DENND3: variants seen among roughly 807,000 people sequenced by gnomAD.
The protein encoded by DENND3 is DENN domain containing 3.
Under a neutral mutation model 135.1 loss-of-function variants are expected in DENND3, and 88 were observed. The observed-to-expected ratio is 0.65, with a 90% confidence interval of 0.55 to 0.78. The LOEUF (loss-of-function observed/expected upper bound fraction) is 0.78, where lower values mean the gene tolerates loss of function less well. DENND3 is among the 30% of genes least tolerant of loss of function. The pLI is 0.00. For synonymous variants in DENND3, 693 were observed against 712.3 expected (o/e 0.97, Z 0.43); for missense variants, 1,392 against 1,688.4 (o/e 0.82, Z 3.08).
At position 141,154,265 on chromosome 8, in the gene DENND3, G is replaced by A. The variant is rs1032171623; in HGVS notation, c.1075-1584G>A. On this transcript the variant is annotated intron_variant, in intron 7 of 22. Coordinates refer to ENST00000519811, the MANE Select transcript of DENND3 (RefSeq NM_001352890.3). This position sits in a 1 kb window ranked among gnomAD's most constrained non-coding sequence, Gnocchi z 4.4. Reference sequence around the variant, plus strand: ...CGGGGCTGTTGAAGTGCAGGGCTCGGGTGCGTGACTCAGTATTTGTGTACT... The same window carrying A: ...CGGGGCTGTTGAAGTGCAGGGCTCGAGTGCGTGACTCAGTATTTGTGTACT... Among the ~76,000 whole-genome samples, 3 of 152,234 alleles carry A rather than the reference G, an allele frequency of 2.0e-5. No homozygotes were observed. Among genetic ancestry groups the A allele is most frequent in the African/African-American group, 4.8e-5 (2 of 41,466 alleles).
intron 3 of DENND3, among the ~76,000 whole-genome samples, chr8:141,140,363 C>T (rs1030373529): frequency 2.0e-5 from 3 of 152,182 alleles, no homozygotes; most frequent in Non-Finnish European, 2.9e-5. Flanking sequence ...GCCACGCGCG[C>T]GTGTGAGCAG....
At chr8:141,179,132 C>T (rs1245368376) in intron 16 of DENND3, among the ~76,000 whole-genome samples, 1 of 152,252 alleles carries the variant, frequency 6.6e-6, no homozygotes, top group Non-Finnish European at 1.5e-5. Flanking sequence ...TCACCAACTG[C>T]AGGACCTCTG....
chr8:141,176,051 A>G (rs1054957631), intron 14 of DENND3: 8 of 178,602 alleles, frequency 4.5e-5, no homozygotes, highest in Non-Finnish European at 8.3e-5. Context: ...GAGGCATGTC[A>G]GATACACAAA....
At chr8:141,177,751 T>C (rs1421228164) in intron 15 of DENND3, 2 of 255,160 alleles carry the variant, frequency 7.8e-6, no homozygotes, top group African/African-American at 2.2e-5. Context: ...GTTTATGAAA[T>C]GTCCCTCGGT....
At chr8:141,176,160 C>T (rs1456406037) in intron 14 of DENND3, 1 of 186,390 alleles carries the variant, frequency 5.4e-6, no homozygotes, top group African/African-American at 2.4e-5. Context: ...AGATCCCCCT[C>T]TTGCTGTTGG....
chr8:141,190,379 T>C lies in DENND3; in HGVS notation c.3341T>C (p.Leu1114Pro), dbSNP rs1824555639. 1.9e-6 allele frequency: 3 copies of C among 1,612,800 alleles called. No homozygotes were observed. The highest frequency in any genetic ancestry group is 2.5e-6 in the Non-Finnish European group (3 of 1,179,822). The change falls in exon 20 of 23, where the codon CTG becomes CCG. Residue 1114 changes from leucine to proline, a missense_variant. By Grantham distance (98) the Leu-to-Pro change is moderately conservative. Coordinates refer to ENST00000519811, the MANE Select transcript of DENND3 (RefSeq NM_001352890.3). ...CGCTTCCAGCTGCCGCGAGGTGGCC[T>C]GACGTCCATCAGACTGCACGGCGGC... ...TSRFQLPRGG[L>P]TSIRLHGGRL...
At chr8:141,190,895 G>A (rs1394213979) in intron 20 of DENND3, among the ~76,000 whole-genome samples, 1 of 152,248 alleles carries the variant, frequency 6.6e-6, no homozygotes, top group Non-Finnish European at 1.5e-5. Context: ...TTTGCCAGGG[G>A]GGCGATGGGA....
In DENND3 at chr8:141,182,916, A is replaced by G. The variant is rs1823349402; in HGVS notation, c.2944+2062A>G. ...GCAGTGTCTCACCCATGGGAGCAAC[A>G]GACCACTGGAATCGCACCCCAGAAA... is the stretch of plus-strand genomic sequence containing the variant. On this transcript the variant is annotated intron_variant, in intron 17 of 22. Transcript: ENST00000519811. The surrounding 1 kb of genome is among the most constrained non-coding windows in gnomAD (Gnocchi z 5.9). 6.6e-6 allele frequency among the ~76,000 whole-genome samples: 1 copy of G among 152,218 alleles called. No homozygotes were observed. Among genetic ancestry groups the G allele is most frequent in the Non-Finnish European group, 1.5e-5 (1 of 68,028 alleles).
At chr8:141,181,361 C>G (rs536146833) in intron 17 of DENND3, among the ~76,000 whole-genome samples, 1 of 152,340 alleles carries the variant, frequency 6.6e-6, no homozygotes, top group East Asian at 1.9e-4. Context: ...TTGCTCACAT[C>G]GTTTCCGCAG....
intron 14 of DENND3, chr8:141,176,277 A>C (rs576163212): frequency 3.8e-4 from 78 of 202,808 alleles, no homozygotes; most frequent in South Asian, 1.8e-3. Flanking sequence ...AAAAAAAAAC[A>C]AAAACAAAAC....
In DENND3 at chr8:141,151,797, T is replaced by C; in HGVS notation, c.1034T>C (p.Leu345Pro). Residue 345 changes from leucine to proline, a missense_variant, in exon 7 of 23, where the codon CTG becomes CCG. Transcript: ENST00000519811. ...TTCGTCATGGCCCCCACGTCCTTCC[T>C]GATGGGCTGCCATCTCGACCACTTC... Reference protein sequence around the residue: ...LDFVMAPTSFLMGCHLDHFEE... With the variant: ...LDFVMAPTSFPMGCHLDHFEE... 6.2e-7 allele frequency: 1 copy of C among 1,614,264 alleles called. No individual in the cohort carries two copies. The highest frequency in any genetic ancestry group is 8.5e-7 in the Non-Finnish European group (1 of 1,180,050).
At chr8:141,135,294 G>T (rs1205793527) in intron 1 of DENND3, among the ~76,000 whole-genome samples, 1 of 152,108 alleles carries the variant, frequency 6.6e-6, no homozygotes, top group South Asian at 2.1e-4. Flanking sequence ...TGGGACCACA[G>T]GCATGTGCCA....
chr8:141,189,224 G>T, intron 19 of DENND3, 78 bp downstream of exon 19: 1 of 1,595,240 alleles, frequency 6.3e-7, no homozygotes, highest in Non-Finnish European at 8.6e-7. Context: ...GGGTTCCCAA[G>T]TCTTGTGCCC....
intron 17 of DENND3, among the ~76,000 whole-genome samples, chr8:141,183,751 T>TA (rs1313746451): frequency 7.6e-6 from 1 of 131,692 alleles, no homozygotes; most frequent in Admixed American, 6.9e-5. Context: ...TTTTTTTTTT[T>TA]AATTTAAAAA....
At chr8:141,147,425 T>C (rs1818284530) in intron 5 of DENND3, among the ~76,000 whole-genome samples, 1 of 152,256 alleles carries the variant, frequency 6.6e-6, no homozygotes, top group African/African-American at 2.4e-5. Flanking sequence ...CAGCTCTGTT[T>C]TATGCCACTC....
intron 13 of DENND3, among the ~76,000 whole-genome samples, chr8:141,170,325 C>T (rs113571189): frequency 3.3e-5 from 5 of 152,010 alleles, no homozygotes; most frequent in Non-Finnish European, 5.9e-5. Flanking sequence ...TTATCGTGCC[C>T]GTGGGCTCTG....
chr8:141,191,226 G>A (rs1417951707), intron 20 of DENND3: 3 of 152,230 alleles, frequency 2.0e-5, no homozygotes, highest in Admixed American at 6.5e-5. Flanking sequence ...AGTGCTCTTA[G>A]TTCTGTCATC....
chr8:141,168,169 T>C lies in DENND3; in HGVS notation c.1919T>C (p.Leu640Ser). 1 of 1,614,216 alleles carries C rather than the reference T, an allele frequency of 6.2e-7. No individual in the cohort carries two copies. The highest frequency in any genetic ancestry group is 8.5e-7 in the Non-Finnish European group (1 of 1,180,032). ...AACTCTCTGCTCCTGGCCCGCTATT[T>C]GTACCTCCGAGGGCTCGTTTATCTG... ...PDNSLLLARYLYLRGLVYLMQ... is the reference protein window; with the variant it reads ...PDNSLLLARYSYLRGLVYLMQ... The change falls in exon 13 of 23, where the codon TTG becomes TCG. Residue 640 changes from leucine (L) to serine (S), a missense_variant. Coordinates refer to ENST00000519811, the MANE Select transcript of DENND3 (RefSeq NM_001352890.3). This position sits in a 1 kb window ranked among gnomAD's most constrained non-coding sequence, Gnocchi z 6.2.
intron 13 of DENND3, chr8:141,173,384 T>C (rs1282551794): frequency 6.6e-6 from 1 of 152,234 alleles, no homozygotes; most frequent in African/African-American, 2.4e-5. Context: ...TGGTGGAGAT[T>C]TTCGCATAAC....
Sources: allele counts gnomAD v4.1 joint callset (sites outside exome capture counted in the v4.1 genomes callset), GRCh38; gene constraint gnomAD v4.1.1; non-coding constraint Gnocchi (gnomAD v3.1); transcripts MANE v1.5; gene names NCBI Gene and HGNC (gene_info 2026-07-23, HGNC 2026-07-21).